EHMT1: variants seen among roughly 807,000 people sequenced by gnomAD.
The protein encoded by EHMT1 is histone-lysine N-methyltransferase EHMT1.
In EHMT1, 15 loss-of-function variants were observed where a neutral mutation model predicts 147.2. The observed-to-expected ratio is 0.10, with a 90% CI of 0.07 to 0.16. EHMT1 has a LOEUF of 0.16. Among genes scored for constraint, EHMT1 ranks in the 10% least tolerant of loss-of-function variants. EHMT1 has a pLI of 1.00. For synonymous variants in EHMT1, 795 were observed against 709.6 expected (o/e 1.12, Z -1.91); for missense variants, 1,587 against 1,772.4 (o/e 0.90, Z 1.88).
chr9:137,643,549 C>T (rs972311366), intron 1 of EHMT1, among the ~76,000 whole-genome samples: 7 of 151,826 alleles, frequency 4.6e-5, no homozygotes, highest in Non-Finnish European at 7.4e-5. Flanking sequence ...GGGGTTTCAC[C>T]GTGTTAGCCA....
intron 4 of EHMT1, among the ~76,000 whole-genome samples, chr9:137,741,514 A>G (rs534695776): frequency 2.6e-5 from 4 of 152,364 alleles, no homozygotes; most frequent in East Asian, 3.9e-4. Context: ...GTGTGCACCA[A>G]TAAAGCTTTA....
chr9:137,725,057 CGTGTGGCATTT>C (rs1253786651), intron 3 of EHMT1, among the ~76,000 whole-genome samples: 2 of 132,304 alleles, frequency 1.5e-5, no homozygotes, highest in Admixed American at 1.6e-4. Flanking sequence ...GTGGGGCAGG[CGTGTGGCATTT>C]GTGTGGCATT....
At chr9:137,717,291 T>A (rs1945426172) in intron 3 of EHMT1, 109 bp downstream of exon 3, 23 of 1,398,980 alleles carry the variant, frequency 1.6e-5, no homozygotes, top group Non-Finnish European at 2.2e-5. Context: ...TCAGTGGTTA[T>A]CCGACAGGGC....
At chr9:137,830,236 C>T (rs947501635) in intron 25 of EHMT1, among the ~76,000 whole-genome samples, 5 of 152,144 alleles carry the variant, frequency 3.3e-5, no homozygotes, top group Non-Finnish European at 5.9e-5. Flanking sequence ...CACTGCTCTT[C>T]GGTACCATGT....
intron 1 of EHMT1, among the ~76,000 whole-genome samples, chr9:137,663,569 CA>C (rs551487404): frequency 1.3e-5 from 2 of 152,208 alleles, no homozygotes; most frequent in Non-Finnish European, 2.9e-5. Context: ...TTTCTGCTCT[CA>C]ATCTTACTTA....
chr9:137,790,440 C>T (rs905641104), intron 15 of EHMT1, among the ~76,000 whole-genome samples: 1 of 152,182 alleles, frequency 6.6e-6, no homozygotes, highest in Non-Finnish European at 1.5e-5. Context: ...TTGGCGAGTA[C>T]TAAATCAGTG....
At chr9:137,715,485 G>T (rs1245238154) in intron 2 of EHMT1, 3 of 948,556 alleles carry the variant, frequency 3.2e-6, no homozygotes, top group African/African-American at 1.8e-5. Context: ...CATGACAGAT[G>T]ATCAGGTCTG....
chr9:137,643,722 A>C (rs1396636904), intron 1 of EHMT1, among the ~76,000 whole-genome samples: 1 of 152,014 alleles, frequency 6.6e-6, no homozygotes, highest in African/African-American at 2.4e-5. Flanking sequence ...ACCATTGCTC[A>C]TCTCTCAGGA....
At chr9:137,784,564 T>C in intron 15 of EHMT1, 1 of 433,234 alleles carries the variant, frequency 2.3e-6, no homozygotes, top group Non-Finnish European at 3.1e-6. Context: ...TTCTCTTCTC[T>C]CTGTTAGTTA....
intron 10 of EHMT1, among the ~76,000 whole-genome samples, chr9:137,768,354 T>G (rs1485951451): frequency 6.9e-6 from 1 of 144,604 alleles, no homozygotes; most frequent in Non-Finnish European, 1.5e-5. Flanking sequence ...TGTGTTTTTT[T>G]TTTTTTTTTT....
intron 6 of EHMT1, among the ~76,000 whole-genome samples, chr9:137,751,783 T>A (rs1948987800): frequency 6.6e-6 from 1 of 152,196 alleles, no homozygotes; most frequent in African/African-American, 2.4e-5. Flanking sequence ...AAATGCACTG[T>A]CGTCTGTGGG....
chr9:137,639,322 C>A (rs1412403761), intron 1 of EHMT1, among the ~76,000 whole-genome samples: 1 of 152,004 alleles, frequency 6.6e-6, no homozygotes, highest in Non-Finnish European at 1.5e-5. Flanking sequence ...GTGGAATGTT[C>A]CCTATATGTC....
intron 16 of EHMT1, among the ~76,000 whole-genome samples, chr9:137,793,908 TAG>T (rs909017683): frequency 1.3e-5 from 2 of 152,162 alleles, no homozygotes; most frequent in Non-Finnish European, 2.9e-5. Context: ...CTCATGATTG[TAG>T]AGCTTTGTTT....
At chr9:137,667,792 C>T (rs964981790) in intron 1 of EHMT1, among the ~76,000 whole-genome samples, 1 of 152,134 alleles carries the variant, frequency 6.6e-6, no homozygotes, top group African/African-American at 2.4e-5. Context: ...GAGGAAAACG[C>T]TGTTGTGCTG....
At chr9:137,661,637 C>A (rs112984023) in intron 1 of EHMT1, among the ~76,000 whole-genome samples, 1 of 151,790 alleles carries the variant, frequency 6.6e-6, no homozygotes, top group Non-Finnish European at 1.5e-5. Flanking sequence ...AGGTGCGCAC[C>A]ACCATGCCTG....
chr9:137,647,734 A>C (rs1321801701), intron 1 of EHMT1, among the ~76,000 whole-genome samples: 2 of 151,562 alleles, frequency 1.3e-5, no homozygotes, highest in East Asian at 3.9e-4. Context: ...AGCTGGCATT[A>C]CACGCGTGCG....
Position 137,776,587 on chromosome 9 carries a change from CAA to C in EHMT1, c.1792-27_1792-26del, listed in dbSNP as rs559265051. ...TTCTAAATATTAACCCCAATTAAAA[CAA>C]AAATTTTTTTTTGTCCTCCCATTTT... On this transcript the variant is annotated intron_variant, in intron 11 of 26. Coordinates refer to ENST00000460843, the MANE Select transcript of EHMT1 (RefSeq NM_024757.5). This position sits in a 1 kb window ranked among gnomAD's most constrained non-coding sequence, Gnocchi z 4.4. 346 of 1,612,336 alleles carry C rather than the reference CAA, an allele frequency of 2.1e-4. 1 individual carries two copies. The highest frequency in any genetic ancestry group is 1.8e-3 in the Admixed American group (109 of 60,014).
intron 1 of EHMT1, among the ~76,000 whole-genome samples, chr9:137,701,116 CAAGGGG>C (rs1384527911): frequency 3.3e-5 from 5 of 152,102 alleles, no homozygotes; most frequent in Non-Finnish European, 1.5e-5. Flanking sequence ...ATGAGAACAG[CAAGGGG>C]AACGTCCGCC....
intron 1 of EHMT1, among the ~76,000 whole-genome samples, chr9:137,710,381 G>A (rs1375863765): frequency 6.6e-6 from 1 of 152,196 alleles, no homozygotes; most frequent in Non-Finnish European, 1.5e-5. Context: ...GGTGAGGCCT[G>A]AGAATCGCTT....
Sources: allele counts gnomAD v4.1 joint callset (sites outside exome capture counted in the v4.1 genomes callset), GRCh38; gene constraint gnomAD v4.1.1; non-coding constraint Gnocchi (gnomAD v3.1); transcripts MANE v1.5; gene names NCBI Gene and HGNC (gene_info 2026-07-23, HGNC 2026-07-21).